The following NARS2 variants were observed in gnomAD, a reference collection of about 807,000 sequenced individuals.
NARS2 encodes the protein asparaginyl-tRNA synthetase 2, mitochondrial.
A neutral mutation model predicts 62.9 loss-of-function variants in NARS2; 60 were observed. The ratio of observed to expected loss-of-function variants is 0.95; its 90% confidence interval spans 0.77 to 1.18. NARS2 has a LOEUF of 1.18. Among genes scored for constraint, NARS2 ranks in the 50% most tolerant of loss-of-function variants. The probability of loss-of-function intolerance (pLI) is 0.00; values close to 1 mark genes in which losing one functional copy is unlikely to be tolerated. For synonymous variants in NARS2, 196 were observed against 200.0 expected, an observed-to-expected ratio of 0.98 and a Z score of 0.17; for missense variants, 619 against 576.4, an observed-to-expected ratio of 1.07 and a Z score of -0.76.
chr11:78,543,096 T>C (rs547581144), intron 5 of NARS2, among the ~76,000 whole-genome samples: 192 of 152,196 alleles, frequency 1.3e-3, no homozygotes, highest in African/African-American at 4.5e-3. Context: ...AAGAACTGCT[T>C]GAACCCAGGA....
chr11:78,501,427 T>A lies in NARS2; in HGVS notation c.690-8232A>T, dbSNP rs185931047. Reference sequence around the variant, plus strand: ...AACTTCAAGGATTCCCCTGAGAGGATGTGAAGCCCCAGAGATATCCAGACC... The same window carrying A: ...AACTTCAAGGATTCCCCTGAGAGGAAGTGAAGCCCCAGAGATATCCAGACC... On this transcript the variant is annotated intron_variant, in intron 6 of 13. Coordinates refer to ENST00000281038, the MANE Select transcript of NARS2 (RefSeq NM_024678.6). Among the ~76,000 whole-genome samples the A allele has an allele frequency of 1.8e-3, 269 of 152,358 alleles. 2 individuals carry two copies. Among genetic ancestry groups the A allele is most frequent in the Non-Finnish European group, 3.1e-3 (208 of 68,038 alleles).
At chr11:78,463,214 C>G (rs1003458300) in intron 11 of NARS2, among the ~76,000 whole-genome samples, 1 of 152,008 alleles carries the variant, frequency 6.6e-6, no homozygotes, top group African/African-American at 2.4e-5. Context: ...CAGGTGCACA[C>G]CACTACACCT....
At chr11:78,552,874 A>G (rs1467533138) in intron 5 of NARS2, among the ~76,000 whole-genome samples, 1 of 152,216 alleles carries the variant, frequency 6.6e-6, no homozygotes, top group African/African-American at 2.4e-5. Flanking sequence ...ACTTTGGGAA[A>G]ATCAACTTCC....
intron 5 of NARS2, among the ~76,000 whole-genome samples, chr11:78,538,732 A>G (rs1157899281): frequency 1.3e-5 from 2 of 151,914 alleles, no homozygotes; most frequent in Non-Finnish European, 2.9e-5. Context: ...GCGGTGGCTC[A>G]CGCCTGTAAT....
intron 4 of NARS2, among the ~76,000 whole-genome samples, chr11:78,564,809 T>C (rs1856687828): frequency 6.6e-6 from 1 of 152,168 alleles, no homozygotes; most frequent in Non-Finnish European, 1.5e-5. Flanking sequence ...ATTATATAAT[T>C]TGATTTATTT....
chr11:78,461,602 T>TAAAAAAAAAAAAAA (rs59664343), intron 11 of NARS2, among the ~76,000 whole-genome samples: 8 of 64,078 alleles, frequency 1.2e-4, no homozygotes, highest in African/African-American at 4.3e-4. Context: ...GCTGTGCTGG[T>TAAAAAAAAAAAAAA]AAAAAAAAAA....
chr11:78,445,169 T>C (rs1857714849), intron 11 of NARS2, among the ~76,000 whole-genome samples: 1 of 152,196 alleles, frequency 6.6e-6, no homozygotes, highest in African/African-American at 2.4e-5. Context: ...TATTTTCTTA[T>C]TTTCTATACT....
chr11:78,562,357 G>A (rs1160160430), intron 4 of NARS2, among the ~76,000 whole-genome samples: 1 of 152,130 alleles, frequency 6.6e-6, no homozygotes, highest in Non-Finnish European at 1.5e-5. Context: ...TTGGGCCTGG[G>A]GGATTAAGGT....
At chr11:78,500,926 T>A (rs1490477328) in intron 6 of NARS2, among the ~76,000 whole-genome samples, 1 of 152,056 alleles carries the variant, frequency 6.6e-6, no homozygotes, top group Non-Finnish European at 1.5e-5. Flanking sequence ...ACCCCGTCTC[T>A]ACAAAAAATA....
rs571917523 is a variant in NARS2, at chr11:78,514,383, A to G, written c.689+14459T>C. On this transcript the variant is annotated intron_variant, in intron 6 of 13. Transcript: ENST00000281038. ...AGTGATCTGACCACCTCAGCCTCCC[A>G]AAGTGTGGGATATCAGGCATGACCC... Among the ~76,000 whole-genome samples the G allele has an allele frequency of 1.5e-4, 23 of 152,308 alleles. No homozygotes were observed. In the South Asian group the frequency reaches 4.6e-3, roughly 30 times the overall value.
At chr11:78,567,597 G>C (rs559107939) in intron 3 of NARS2, among the ~76,000 whole-genome samples, 4 of 152,038 alleles carry the variant, frequency 2.6e-5, no homozygotes, top group African/African-American at 4.8e-5. Flanking sequence ...TTACGCTCTT[G>C]ATTTCCAAAT....
chr11:78,511,232 C>T (rs1423934008), intron 6 of NARS2, among the ~76,000 whole-genome samples: 1 of 152,170 alleles, frequency 6.6e-6, no homozygotes, highest in Non-Finnish European at 1.5e-5. Flanking sequence ...CATGTGCCAC[C>T]ACGCTCAGCT....
At chr11:78,464,246 C>T (rs553424637) in intron 11 of NARS2, among the ~76,000 whole-genome samples, 5 of 151,940 alleles carry the variant, frequency 3.3e-5, no homozygotes, top group East Asian at 1.9e-4. Flanking sequence ...TGCAGATCTT[C>T]GCGGTGAGTG....
intron 4 of NARS2, among the ~76,000 whole-genome samples, chr11:78,561,678 G>C (rs1387628094): frequency 6.6e-6 from 1 of 152,034 alleles, no homozygotes; most frequent in East Asian, 1.9e-4. Flanking sequence ...TATTTAATCA[G>C]AATCAACAAA....
At chr11:78,518,761 C>T (rs1043156656) in intron 6 of NARS2, among the ~76,000 whole-genome samples, 3 of 152,126 alleles carry the variant, frequency 2.0e-5, no homozygotes, top group African/African-American at 7.2e-5. Context: ...TTGTGATCTG[C>T]CCACCTCGGC....
intron 7 of NARS2, among the ~76,000 whole-genome samples, chr11:78,492,620 A>G (rs1285171924): frequency 6.6e-6 from 1 of 152,214 alleles, no homozygotes; most frequent in Non-Finnish European, 1.5e-5. Flanking sequence ...ATAGGGGTTT[A>G]TGTAAGTATT....
intron 5 of NARS2, among the ~76,000 whole-genome samples, chr11:78,545,004 C>T (rs1437843973): frequency 6.6e-6 from 1 of 152,038 alleles, no homozygotes; most frequent in Non-Finnish European, 1.5e-5. Flanking sequence ...ACCAATATAA[C>T]ACACCTGTTT....
rs1401777361 is a variant in NARS2, at chr11:78,443,372, G to C, written c.1262+289C>G. Among the ~76,000 whole-genome samples the C allele has an allele frequency of 2.0e-5, 3 of 151,458 alleles. No homozygotes were observed. In the East Asian group the frequency reaches 5.8e-4, roughly 29 times the overall value. The stretch of plus-strand genomic sequence containing the variant: ...AAAAAAAATGTAGGACAAGCTTTAA[G>C]GGGGAACTCTCTCTTCACATTTTAA... On this transcript the variant is annotated intron_variant, in intron 12 of 13. Transcript: ENST00000281038.
intron 5 of NARS2, among the ~76,000 whole-genome samples, chr11:78,556,341 T>C (rs1856352621): frequency 1.3e-5 from 2 of 152,180 alleles, no homozygotes. Context: ...CTCAAATGTA[T>C]ACATAAAGCA....
Sources: allele counts gnomAD v4.1 joint callset (sites outside exome capture counted in the v4.1 genomes callset), GRCh38; gene constraint gnomAD v4.1.1; transcripts MANE v1.5; gene names NCBI Gene and HGNC (gene_info 2026-07-23, HGNC 2026-07-21).